Variants in NMT1 observed in about 807,000 individuals in gnomAD.
The protein encoded by NMT1 is N-myristoyltransferase 1, also known as glycylpeptide N-tetradecanoyltransferase 1.
NMT1 carries 12 observed loss-of-function variants against 63.4 expected under a neutral mutation model. The ratio of observed to expected loss-of-function variants is 0.19; its 90% confidence interval spans 0.12 to 0.31. The LOEUF (loss-of-function observed/expected upper bound fraction) is 0.31. Among genes scored for constraint, NMT1 ranks in the 10% least tolerant of loss-of-function variants. The probability of loss-of-function intolerance (pLI) is 1.00; values close to 1 mark genes in which losing one functional copy is unlikely to be tolerated. For synonymous variants in NMT1, 228 were observed against 234.3 expected (o/e 0.97, Z 0.25); for missense variants, 432 against 634.6 (o/e 0.68, Z 3.43).
At chr17:45,070,657 T>TTA (rs35299354) in intron 1 of NMT1, among the ~76,000 whole-genome samples, 33,232 of 152,074 alleles carry the variant, frequency 0.22, 4,188 homozygotes, top group African/African-American at 0.33. Context: ...GACCTCATGA[T>TTA]CCGCCCACCT....
At chr17:45,078,631 T>G in intron 1 of NMT1, among the ~76,000 whole-genome samples, 1 of 152,162 alleles carries the variant, frequency 6.6e-6, no homozygotes, top group Non-Finnish European at 1.5e-5. Flanking sequence ...TATATTGTTT[T>G]AATTCTTGGG....
Position 45,105,731 on chromosome 17 carries a change from A to G in NMT1, c.*92A>G. ...TGTTGGTCCAATTTTCACACACGTG[A>G]GAATCCCTGGCAAAGGGAGCAGAAC... is the stretch of plus-strand genomic sequence containing the variant. On this transcript the variant is annotated 3_prime_UTR_variant, in exon 12 of 12. Transcript: ENST00000258960. The surrounding 1 kb of genome is among the most constrained non-coding windows in gnomAD (Gnocchi z 4.2). 2 of 1,321,546 alleles carry G rather than the reference A, an allele frequency of 1.5e-6. No homozygotes were observed. The highest frequency in any genetic ancestry group is 2.2e-6 in the Non-Finnish European group (2 of 926,356). The allele number at this position is 1,321,546 out of a possible 1,614,324, so 81.9% of individuals were successfully genotyped here.
intron 4 of NMT1, among the ~76,000 whole-genome samples, chr17:45,095,753 CAG>C (rs1191528192): frequency 6.6e-6 from 1 of 152,088 alleles, no homozygotes; most frequent in Non-Finnish European, 1.5e-5. Flanking sequence ...GCCTGGGTAA[CAG>C]AGTGAGACTC....
chr17:45,095,976 G>A (rs935167850), intron 4 of NMT1, among the ~76,000 whole-genome samples: 4 of 152,096 alleles, frequency 2.6e-5, no homozygotes, highest in Non-Finnish European at 4.4e-5. Context: ...TGGCATTCTC[G>A]GTCTGCCACT....
chr17:45,084,756 C>T (rs185034018), intron 2 of NMT1, among the ~76,000 whole-genome samples: 1 of 151,990 alleles, frequency 6.6e-6, no homozygotes, highest in East Asian at 1.9e-4. Context: ...GTGTGAGCCA[C>T]CAAGCTCAGC....
Position 45,104,301 on chromosome 17 carries a change from AC to A in NMT1, c.1332+427del. On this transcript the variant is annotated intron_variant, in intron 10 of 11. Transcript: ENST00000258960. This position sits in a 1 kb window ranked among gnomAD's most constrained non-coding sequence, Gnocchi z 4.2. Reference sequence around the variant, plus strand: ...CAGTGCTTTGCTGTGGGTTCTGGTAACCTGTGCCCAGCCCAGCCCAGCCTGC... The same window carrying A: ...CAGTGCTTTGCTGTGGGTTCTGGTAACTGTGCCCAGCCCAGCCCAGCCTGC... 1 of 1,179,658 alleles carries A rather than the reference AC, an allele frequency of 8.5e-7. No homozygotes were observed. The highest frequency in any genetic ancestry group is 1.1e-6 in the Non-Finnish European group (1 of 941,252). 73.1% of individuals were successfully genotyped at this position (1,179,658 alleles called of 1,614,324 possible). A position where few individuals can be genotyped will look rare whatever the true frequency, so the allele number is the denominator to read the frequency against.
At position 45,079,688 on chromosome 17, in the gene NMT1, C is replaced by T. The variant is rs1014892163; in HGVS notation, c.132-1956C>T. On this transcript the variant is annotated intron_variant, in intron 1 of 11. Transcript: ENST00000258960. ...CACGTGCATACACACAGACATGTTT[C>T]TTTTATTTATTTATTTATTTTTATT... 2.0e-5 allele frequency among the ~76,000 whole-genome samples: 3 copies of T among 152,154 alleles called. No homozygotes were observed. In the South Asian group the frequency reaches 6.2e-4, roughly 31 times the overall value.
intron 1 of NMT1, chr17:45,071,358 G>A (rs990399159): frequency 1.3e-5 from 2 of 152,186 alleles, no homozygotes; most frequent in African/African-American, 4.8e-5. Context: ...TTGTCTGTGT[G>A]TGTAGAGACA....
intron 8 of NMT1, among the ~76,000 whole-genome samples, chr17:45,101,119 G>C (rs1354929360): frequency 6.6e-6 from 1 of 151,784 alleles, no homozygotes; most frequent in African/African-American, 2.4e-5. Flanking sequence ...GGGAGGCGGA[G>C]CTTGCAGTGA....
At chr17:45,073,482 G>A (rs963785112) in intron 1 of NMT1, among the ~76,000 whole-genome samples, 3 of 151,992 alleles carry the variant, frequency 2.0e-5, no homozygotes, top group African/African-American at 7.3e-5. Context: ...AGCCAAGAAA[G>A]CAATATATTA....
Position 45,104,604 on chromosome 17 carries a change from A to G in NMT1, c.1333-255A>G. The G allele has an allele frequency of 7.9e-7, 1 of 1,272,698 alleles. No homozygotes were observed. Among genetic ancestry groups the G allele is most frequent in the Non-Finnish European group, 9.9e-7 (1 of 1,005,322 alleles). The allele number at this position is 1,272,698 out of a possible 1,614,324, so 78.8% of individuals were successfully genotyped here. On this transcript the variant is annotated intron_variant, in intron 10 of 11. Transcript: ENST00000258960. This position sits in a 1 kb window ranked among gnomAD's most constrained non-coding sequence, Gnocchi z 4.2. ...GGGAGGCATAACCAGGAATAGCAAG[A>G]GCCCCGGCCTGGACACTGAGTACAT...
chr17:45,085,675 C>G (rs1397587529), intron 2 of NMT1, among the ~76,000 whole-genome samples: 3 of 152,146 alleles, frequency 2.0e-5, no homozygotes, highest in Non-Finnish European at 4.4e-5. Context: ...CATCAAACAA[C>G]ATAAGACTAA....
chr17:45,077,019 A>G (rs142955634), intron 1 of NMT1, among the ~76,000 whole-genome samples: 46 of 152,340 alleles, frequency 3.0e-4, no homozygotes, highest in African/African-American at 1.1e-3. Context: ...ACATGGAAGT[A>G]TCTCCGCTAA....
intron 2 of NMT1, among the ~76,000 whole-genome samples, chr17:45,082,243 C>G (rs2054021565): frequency 6.6e-6 from 1 of 151,386 alleles, no homozygotes; most frequent in Non-Finnish European, 1.5e-5. Flanking sequence ...GTAGCTGGGA[C>G]TGCAGGTGCA....
rs2054018245 is a variant in NMT1 at position 45,081,726 on chromosome 17, G to C, written c.214G>C (p.Asp72His). ...KKKKEKGSET[D>H]SAQDQPVKMN... ...GAAGAAAGAAAAAGGCAGTGAGACA[G>C]ATTCAGCCCAGGATCAGCCTGTGAA... The change falls in exon 2 of 12, where the codon GAT (aspartate) becomes CAT (histidine). Residue 72 changes from aspartate (D) to histidine (H), a missense_variant. Around this residue, in one of 4 missense-constraint regions of NMT1, gnomAD observed 121 missense variants for 103.7 expected, o/e 1.17. Transcript: ENST00000258960. 1 of 1,586,646 alleles carries C rather than the reference G, an allele frequency of 6.3e-7. No homozygotes were observed. Among genetic ancestry groups the C allele is most frequent in the Non-Finnish European group, 8.6e-7 (1 of 1,164,820 alleles).
intron 2 of NMT1, among the ~76,000 whole-genome samples, chr17:45,086,193 G>C (rs920752928): frequency 7.2e-6 from 1 of 138,738 alleles, no homozygotes; most frequent in Non-Finnish European, 1.5e-5. Context: ...GCGCCATCTC[G>C]GTTCACTGCA....
intron 3 of NMT1, among the ~76,000 whole-genome samples, chr17:45,091,436 G>GGTTGTAGGT (rs1311096260): frequency 9.9e-5 from 15 of 152,278 alleles, no homozygotes; most frequent in Admixed American, 6.5e-4. Context: ...TGCCTGTTGC[G>GGTTGTAGGT]TGTAGGACCT....
chr17:45,104,906 C>A lies in NMT1; in HGVS notation c.1380C>A (p.Thr460=), dbSNP rs376284001. 29 of 1,614,192 alleles carry A rather than the reference C, an allele frequency of 1.8e-5. No homozygotes were observed. Among genetic ancestry groups the A allele is most frequent in the African/African-American group, 1.5e-4 (11 of 75,050 alleles). Residue 460 remains threonine, a synonymous_variant, in exon 11 of 12, where the codon ACC becomes ACA. Transcript: ENST00000258960. The surrounding 1 kb of genome is among the most constrained non-coding windows in gnomAD (Gnocchi z 4.2). The part of the protein sequence containing the change: ...FNALDLMENK[T]FLEKLKFGIG... ...CACTGGATCTCATGGAGAACAAAAC[C>A]TTCCTGGAGAAGCTCAAGTTTGGCA...
At chr17:45,095,767 A>AT (rs749243759) in intron 4 of NMT1, among the ~76,000 whole-genome samples, 5 of 152,120 alleles carry the variant, frequency 3.3e-5, no homozygotes, top group Non-Finnish European at 5.9e-5. Flanking sequence ...GTGAGACTCT[A>AT]TCTTGAAAAG....
Sources: allele counts gnomAD v4.1 joint callset (sites outside exome capture counted in the v4.1 genomes callset), GRCh38; gene constraint gnomAD v4.1.1; regional missense constraint gnomAD v4.1.1; non-coding constraint Gnocchi (gnomAD v3.1); transcripts MANE v1.5; gene names NCBI Gene and HGNC (gene_info 2026-07-23, HGNC 2026-07-21).